TASOR: variants seen among roughly 807,000 people sequenced by gnomAD.
The protein encoded by TASOR is protein TASOR.
A neutral mutation model predicts 178.6 loss-of-function variants in TASOR; 53 were observed. The ratio of observed to expected loss-of-function variants is 0.30; its 90% CI spans 0.24 to 0.37. The LOEUF is 0.37. Among genes scored for constraint, TASOR ranks in the 10% least tolerant of loss-of-function variants. The probability of loss-of-function intolerance (pLI) is 1.00; values close to 1 mark genes in which losing one functional copy is unlikely to be tolerated. For synonymous variants in TASOR, 713 were observed against 696.2 expected, an observed-to-expected ratio of 1.02 and a Z score of -0.38; for missense variants, 1,815 against 1,971.4, an observed-to-expected ratio of 0.92 and a Z score of 1.50.
In TASOR at chr3:56,638,693, C is replaced by G. The variant is rs763592043; in HGVS notation, c.2824+13G>C. 2 of 1,614,054 alleles carry G rather than the reference C, an allele frequency of 1.2e-6. No homozygotes were observed. The highest frequency in any genetic ancestry group is 4.5e-5 in the East Asian group (2 of 44,874). On this transcript the variant is annotated intron_variant, in intron 17 of 23. Transcript: ENST00000683822. ...GGGCACACTGGGAAGAAAAGCAAAG[C>G]AAGCCTTCTCACCTGGTGTTTGTTT...
Position 56,660,743 on chromosome 3 carries a change from G to T in TASOR, c.1356C>A (p.Asp452Glu), listed in dbSNP as rs1276494533. The T allele has an allele frequency of 6.2e-7, 1 of 1,612,710 alleles. No homozygotes were observed. The highest frequency in any genetic ancestry group is 2.2e-5 in the East Asian group (1 of 44,820). Residue 452 changes from aspartate to glutamate, a missense_variant, in exon 11 of 24, where the codon GAC (aspartate) becomes GAA (glutamate). Transcript: ENST00000683822. Reference protein sequence around the residue: ...SNMESLLQKLDREKLVLVKPL... With the variant: ...SNMESLLQKLEREKLVLVKPL... ...ACTTTTCACTCACAAGTTTTTCTCT[G>T]TCTAGTTTTTGCAGTAAACTCTCCA... is the stretch of plus-strand genomic sequence containing the variant.
intron 14 of TASOR, among the ~76,000 whole-genome samples, chr3:56,644,537 T>C (rs908492599): frequency 2.0e-5 from 3 of 152,158 alleles, no homozygotes; most frequent in Admixed American, 2.0e-4. Context: ...CAGAGAGAGA[T>C]GACCCTTAAC....
rs370964630 is a variant in TASOR at position 56,649,442 on chromosome 3, G to T, written c.1369-385C>A. Among the ~76,000 whole-genome samples, 5 of 152,292 alleles carry T rather than the reference G, an allele frequency of 3.3e-5. No individual in the cohort carries two copies. In the East Asian group the frequency reaches 5.8e-4, roughly 18 times the overall value. ...AGATGCTAGATACAAAACATGCTTT[G>T]AAACACTGCGTTGCAAGAGTTCAGA... On this transcript the variant is annotated intron_variant, in intron 11 of 23. Transcript: ENST00000683822.
intron 11 of TASOR, among the ~76,000 whole-genome samples, chr3:56,660,145 GCCA>G (rs1450926239): frequency 2.0e-5 from 3 of 151,954 alleles, no homozygotes; most frequent in South Asian, 2.1e-4. Flanking sequence ...ACAGGCGTGA[GCCA>G]CCAACGCCCG....
At chr3:56,634,053 T>A in intron 17 of TASOR, 87 bp from the exon 18 acceptor site, 1 of 1,044,698 alleles carries the variant, frequency 9.6e-7, no homozygotes, top group South Asian at 1.7e-5. Flanking sequence ...GAAAAAAGGG[T>A]TAACACACAT....
intron 11 of TASOR, 138 bp downstream of exon 11, chr3:56,660,593 G>C (rs939595769): frequency 1.6e-6 from 1 of 620,408 alleles, no homozygotes; most frequent in African/African-American, 1.9e-5. Flanking sequence ...GTAAAACACT[G>C]TTAACTAAAC....
In TASOR at chr3:56,633,240, C is replaced by T. The variant is rs536545317; in HGVS notation, c.3551G>A (p.Arg1184Gln). Residue 1184 changes from arginine to glutamine, a missense_variant, in exon 18 of 24, where the codon CGG (arginine) becomes CAG (glutamine). Arg to Gln is a conservative substitution (Grantham distance 43). Around this residue, in one of 5 missense-constraint regions of TASOR, gnomAD observed 655 missense variants for 671.1 expected, o/e 0.98. Transcript: ENST00000683822. ...TTTTGTTGTTTCTTCTACTGGTTCC[C>T]GGGCCATATCACCAGGTACAATATG... ...SDHIVPGDMA[R>Q]EPVEETTKSP... 3.0e-5 allele frequency: 48 copies of T among 1,614,076 alleles called. No homozygotes were observed. In the African/African-American group the frequency reaches 4.4e-4, roughly 15 times the overall value.
intron 3 of TASOR, among the ~76,000 whole-genome samples, chr3:56,670,940 C>CAAATAAAA (rs2030642225): frequency 1.8e-5 from 1 of 54,204 alleles, no homozygotes; most frequent in Admixed American, 2.7e-4. Context: ...GACTCCATCT[C>CAAATAAAA]AAAAAAAAAA....
At chr3:56,635,983 G>A (rs2107550792) in intron 17 of TASOR, among the ~76,000 whole-genome samples, 2 of 152,146 alleles carry the variant, frequency 1.3e-5, no homozygotes, top group Middle Eastern at 6.8e-3. Context: ...ATTTTATTTT[G>A]CACAAATTTC....
Position 56,621,675 on chromosome 3 carries a change from C to A in TASOR, c.*1362G>T. On this transcript the variant is annotated 3_prime_UTR_variant, in exon 24 of 24. Coordinates refer to ENST00000683822, the MANE Select transcript of TASOR (RefSeq NM_001365635.2). ...TGTGTCTTCCAAATTATAAAATGTG[C>A]TCACTGGCTCAACTGTATTTTTCAA... 1 of 1,190,876 alleles carries A rather than the reference C, an allele frequency of 8.4e-7. No individual in the cohort carries two copies. Among genetic ancestry groups the A allele is most frequent in the Non-Finnish European group, 1.2e-6 (1 of 824,760 alleles). 73.8% of individuals were successfully genotyped at this position (1,190,876 alleles called of 1,614,324 possible).
At chr3:56,663,925 G>A in intron 7 of TASOR, 1 of 896,196 alleles carries the variant, frequency 1.1e-6, no homozygotes, top group Non-Finnish European at 1.3e-6. Flanking sequence ...TCATCATTCA[G>A]TAAATACATA....
intron 18 of TASOR, among the ~76,000 whole-genome samples, chr3:56,630,091 A>T (rs1454315579): frequency 6.6e-6 from 1 of 151,282 alleles, no homozygotes; most frequent in Admixed American, 6.6e-5. Flanking sequence ...TCAGCCTCCC[A>T]AGTAGCTGGG....
At chr3:56,652,990 C>T (rs1290757379) in intron 11 of TASOR, among the ~76,000 whole-genome samples, 7 of 152,022 alleles carry the variant, frequency 4.6e-5, no homozygotes, top group East Asian at 1.9e-4. Context: ...CCAGGCCGGG[C>T]GCAGTGGCTC....
chr3:56,675,984 GA>G (rs1050522321), intron 1 of TASOR, among the ~76,000 whole-genome samples: 12 of 152,058 alleles, frequency 7.9e-5, no homozygotes, highest in Admixed American at 3.3e-4. Context: ...AACTGTGCAC[GA>G]AAAAAATAGT....
At position 56,640,256 on chromosome 3, in the gene TASOR, G is replaced by A. The variant is rs374101201; in HGVS notation, c.2620-126C>T. ...CATTACAAATGCGTAAAATCAACAT[G>A]GTAAAGTTATACTCTAGTTTCAAAA... is the stretch of plus-strand genomic sequence containing the variant. On this transcript the variant is annotated intron_variant, in intron 15 of 23. Coordinates refer to ENST00000683822, the MANE Select transcript of TASOR (RefSeq NM_001365635.2). The A allele has an allele frequency of 1.8e-5, 14 of 769,340 alleles. No homozygotes were observed. The East Asian group carries it at 2.2e-4, about 12-fold the overall frequency. 47.7% of individuals were successfully genotyped at this position (769,340 alleles called of 1,614,324 possible).
chr3:56,636,217 G>A (rs1032636153), intron 17 of TASOR, among the ~76,000 whole-genome samples: 2 of 151,608 alleles, frequency 1.3e-5, no homozygotes, highest in Non-Finnish European at 2.9e-5. Context: ...AGCAGAGGCT[G>A]CAGTGAGCCA....
rs77441473 is a variant in TASOR, at chr3:56,632,199, G to A, written c.3747+845C>T. ...TTAAAAATGCAAGAAACGGCCAGGC[G>A]CAGTGGCCCACGCCTGTAATCTCAG... is the stretch of plus-strand genomic sequence containing the variant. On this transcript the variant is annotated intron_variant, in intron 18 of 23. Transcript: ENST00000683822. 3.8e-3 allele frequency among the ~76,000 whole-genome samples: 580 copies of A among 152,062 alleles called. 2 individuals carry two copies. Among genetic ancestry groups the A allele is most frequent in the African/African-American group, 0.013 (554 of 41,496 alleles).
chr3:56,645,819 C>A (rs1163070712), intron 14 of TASOR, among the ~76,000 whole-genome samples: 6 of 152,168 alleles, frequency 3.9e-5, no homozygotes, highest in African/African-American at 1.4e-4. Flanking sequence ...CTAAAAGATA[C>A]TACTATTCTG....
rs771008289 is a variant in TASOR at position 56,623,377 on chromosome 3, C to A, written c.4673G>T (p.Ser1558Ile). 29 of 1,613,510 alleles carry A rather than the reference C, an allele frequency of 1.8e-5. No individual in the cohort carries two copies. The highest frequency in any genetic ancestry group is 2.5e-5 in the Non-Finnish European group (29 of 1,179,934). The change falls in exon 24 of 24, where the codon AGT becomes ATT. Residue 1558 changes from serine to isoleucine, a missense_variant. Ser to Ile is a moderately radical substitution (Grantham distance 142). Coordinates refer to ENST00000683822, the MANE Select transcript of TASOR (RefSeq NM_001365635.2). ...AAGGTAAGTCTTATCTTCTAATAAA[C>A]TGTTTTGCACATCAGGAGACGATTG... ...ELQSSPDVQN[S>I]LLEDKTYLDS...
Sources: gnomAD v4.1 joint callset for allele counts (sites outside exome capture counted in the v4.1 genomes callset) on GRCh38, gnomAD v4.1.1 for gene constraint, gnomAD v4.1.1 regional missense constraint, MANE v1.5 for transcripts, NCBI Gene and HGNC (gene_info 2026-07-23, HGNC 2026-07-21) for gene names.